The following LGI1 variants were observed in gnomAD, a reference collection of about 807,000 sequenced individuals.
LGI1 encodes leucine rich glioma inactivated 1, also known as leucine-rich glioma-inactivated protein 1.
In LGI1, 11 loss-of-function variants were observed where a neutral mutation model predicts 57.7. The ratio of observed to expected loss-of-function variants is 0.19; its 90% CI spans 0.12 to 0.32. LGI1 has a LOEUF of 0.32. Ranked by LOEUF, LGI1 falls within the 10% of genes least tolerant of loss-of-function variation. LGI1 has a pLI of 1.00. For synonymous variants in LGI1, 222 were observed against 241.9 expected, an observed-to-expected ratio of 0.92 and a Z score of 0.76; for missense variants, 422 against 661.9, an observed-to-expected ratio of 0.64 and a Z score of 3.98.
chr10:93,786,961 G>A (rs1054898412), intron 4 of LGI1, among the ~76,000 whole-genome samples: 12 of 152,148 alleles, frequency 7.9e-5, no homozygotes, highest in Non-Finnish European at 1.2e-4. Context: ...GTCGTTCTCT[G>A]CCCAAATCCC....
intron 4 of LGI1, among the ~76,000 whole-genome samples, chr10:93,781,893 A>G (rs1042424243): frequency 6.6e-6 from 1 of 152,176 alleles, no homozygotes; most frequent in African/African-American, 2.4e-5. Context: ...TCATCAATCT[A>G]TATGTATTGT....
chr10:93,759,162 T>G, intron 2 of LGI1: 1 of 368,280 alleles, frequency 2.7e-6, no homozygotes, highest in Non-Finnish European at 5.1e-6. Flanking sequence ...TGCCCTGGAG[T>G]TTTTGAATTA....
Position 93,777,572 on chromosome 10 carries a change from C to G in LGI1, c.386C>G (p.Ser129Ter), listed in dbSNP as rs1564845068. 1 of 1,613,534 alleles carries G rather than the reference C, an allele frequency of 6.2e-7. No individual in the cohort carries two copies. Among genetic ancestry groups the G allele is most frequent in the Non-Finnish European group, 8.5e-7 (1 of 1,179,574 alleles). ...YLFIENNNIK[S>*]ISRHTFRGLK... ...TTCATAGAAAACAACAACATCAAGT[C>G]AATTTCAAGACATACTTTCCGGGGA... Residue 129 changes from serine (S) to a stop codon, truncating the protein, a stop_gained, in exon 4 of 8, where the codon TCA (serine) becomes TGA (stop). Coordinates refer to ENST00000371418, the MANE Select transcript of LGI1 (RefSeq NM_005097.4). LOFTEE classifies it high-confidence loss of function.
intron 2 of LGI1, chr10:93,770,518 T>G (rs1056426840): frequency 6.6e-6 from 1 of 152,506 alleles, no homozygotes; most frequent in African/African-American, 2.4e-5. Flanking sequence ...ACTTCTCTGT[T>G]GCTGGCCCTG....
chr10:93,774,653 C>T (rs1383766670), intron 2 of LGI1, among the ~76,000 whole-genome samples: 1 of 152,130 alleles, frequency 6.6e-6, no homozygotes, highest in Non-Finnish European at 1.5e-5. Context: ...GATTTAGAGA[C>T]TGGCTACTCT....
At chr10:93,794,875 C>A (rs957816248) in intron 7 of LGI1, 1 of 152,120 alleles carries the variant, frequency 6.6e-6, no homozygotes, top group Non-Finnish European at 1.5e-5. Context: ...TTGCTGGTAG[C>A]CATCACCCTC....
intron 2 of LGI1, among the ~76,000 whole-genome samples, chr10:93,760,836 A>G: frequency 6.6e-6 from 1 of 152,166 alleles, no homozygotes; most frequent in Non-Finnish European, 1.5e-5. Flanking sequence ...TTATTTCTAA[A>G]AGCAGTTCAG....
chr10:93,776,364 C>T (rs549417368), intron 2 of LGI1, among the ~76,000 whole-genome samples: 2 of 152,280 alleles, frequency 1.3e-5, no homozygotes, highest in East Asian at 3.9e-4. Context: ...ATCATCAACT[C>T]ATGCCAATTC....
intron 6 of LGI1, 105 bp downstream of exon 6, chr10:93,793,017 C>A: frequency 7.6e-7 from 1 of 1,311,626 alleles, no homozygotes; most frequent in Non-Finnish European, 1.1e-6. Context: ...ACTAGCTGAG[C>A]AACTTAATTT....
chr10:93,758,701 T>C lies in LGI1; in HGVS notation c.216-59T>C. 8.5e-7 allele frequency: 1 copy of C among 1,181,664 alleles called. No individual in the cohort carries two copies. Among genetic ancestry groups the C allele is most frequent in the Non-Finnish European group, 1.3e-6 (1 of 792,236 alleles). 73.2% of individuals were successfully genotyped at this position (1,181,664 alleles called of 1,614,324 possible). Reference sequence around the variant, plus strand: ...GGATTAACATAAGGTTTGTTCTGTGTGTGTGTGTCTCTTTGTGTGTGTCTG... The same window carrying C: ...GGATTAACATAAGGTTTGTTCTGTGCGTGTGTGTCTCTTTGTGTGTGTCTG... On this transcript the variant is annotated intron_variant, in intron 1 of 7. Coordinates refer to ENST00000371418, the MANE Select transcript of LGI1 (RefSeq NM_005097.4). This position sits in a 1 kb window ranked among gnomAD's most constrained non-coding sequence, Gnocchi z 4.7.
rs749851647 is a variant in LGI1 at position 93,792,727 on chromosome 10, G to A, written c.504-16G>A. On this transcript the variant is annotated splice_polypyrimidine_tract_variant and intron_variant, in intron 5 of 7. Coordinates refer to ENST00000371418, the MANE Select transcript of LGI1 (RefSeq NM_005097.4). ...GGGCCCTTGTACAGCAAAAGCAGCT[G>A]AAGTTTGTCTTTCAGGGACCTGAGG... is the stretch of plus-strand genomic sequence containing the variant. 9 of 1,613,710 alleles carry A rather than the reference G, an allele frequency of 5.6e-6. No individual in the cohort carries two copies. Among genetic ancestry groups the A allele is most frequent in the Non-Finnish European group, 7.6e-6 (9 of 1,179,690 alleles).
chr10:93,786,857 G>A (rs770793223), intron 4 of LGI1, among the ~76,000 whole-genome samples: 27 of 152,328 alleles, frequency 1.8e-4, no homozygotes, highest in Admixed American at 1.4e-3. Context: ...GCCTCCCAAA[G>A]TGCTGGGATT....
intron 4 of LGI1, among the ~76,000 whole-genome samples, chr10:93,787,739 C>G (rs1195182977): frequency 2.0e-5 from 3 of 152,032 alleles, no homozygotes; most frequent in Non-Finnish European, 4.4e-5. Context: ...AAGACCCTGT[C>G]TCTACAAATA....
At chr10:93,764,072 G>A (rs1294655779) in intron 2 of LGI1, 1 of 152,110 alleles carries the variant, frequency 6.6e-6, no homozygotes, top group Non-Finnish European at 1.5e-5. Flanking sequence ...TCCCATTTTA[G>A]CAGACATGTT....
chr10:93,783,225 A>C (rs1186020523), intron 4 of LGI1, among the ~76,000 whole-genome samples: 1 of 151,944 alleles, frequency 6.6e-6, no homozygotes, highest in Non-Finnish European at 1.5e-5. Context: ...AAATACAAAA[A>C]ATTAGCTGGG....
intron 2 of LGI1, chr10:93,777,049 T>C: frequency 2.4e-6 from 1 of 418,816 alleles, no homozygotes; most frequent in Non-Finnish European, 4.4e-6. Flanking sequence ...AAAAGATTGT[T>C]AGTGCCTTTG....
At chr10:93,763,695 A>C (rs1174536439) in intron 2 of LGI1, 1 of 152,212 alleles carries the variant, frequency 6.6e-6, no homozygotes, top group Non-Finnish European at 1.5e-5. Flanking sequence ...ATATTTGCTC[A>C]TGAAGTTGTG....
rs1178032111 is a variant in LGI1 at position 93,758,234 on chromosome 10, G to C, written c.90G>C (p.Leu30Phe). ...TCCTATGTCTCTTATCTGCGCTTTT[G>C]CTGACTGAGGGGAAGAAACCAGCGA... Reference protein sequence around the residue: ...AYFLCLLSALLLTEGKKPAKP... With the variant: ...AYFLCLLSALFLTEGKKPAKP... Residue 30 changes from leucine to phenylalanine, a missense_variant, in exon 1 of 8, where the codon TTG becomes TTC. Coordinates refer to ENST00000371418, the MANE Select transcript of LGI1 (RefSeq NM_005097.4). The surrounding 1 kb of genome is among the most constrained non-coding windows in gnomAD (Gnocchi z 4.7). 1 of 1,614,136 alleles carries C rather than the reference G, an allele frequency of 6.2e-7. No homozygotes were observed. The highest frequency in any genetic ancestry group is 2.2e-5 in the East Asian group (1 of 44,882).
chr10:93,761,990 C>T, intron 2 of LGI1, among the ~76,000 whole-genome samples: 1 of 152,172 alleles, frequency 6.6e-6, no homozygotes, highest in Non-Finnish European at 1.5e-5. Flanking sequence ...AGACTGAAGT[C>T]CCCAATGATA....
Sources: allele counts gnomAD v4.1 joint callset (sites outside exome capture counted in the v4.1 genomes callset), GRCh38; gene constraint gnomAD v4.1.1; non-coding constraint Gnocchi (gnomAD v3.1); transcripts MANE v1.5; gene names NCBI Gene and HGNC (gene_info 2026-07-23, HGNC 2026-07-21).